Variants in PTCHD4 observed in about 807,000 individuals in gnomAD.
PTCHD4 encodes the protein patched domain containing 4, also known as patched domain-containing protein 4.
In PTCHD4, 33 loss-of-function variants were observed where a neutral mutation model predicts 58.1. The observed-to-expected ratio is 0.57, with a 90% confidence interval of 0.43 to 0.76. The LOEUF (loss-of-function observed/expected upper bound fraction) is 0.76, where lower values mean the gene tolerates loss of function less well. Among genes scored for constraint, PTCHD4 ranks in the 30% least tolerant of loss-of-function variants. The probability of loss-of-function intolerance (pLI) is 0.00; values close to 1 mark genes in which losing one functional copy is unlikely to be tolerated. For synonymous variants in PTCHD4, 478 were observed against 409.6 expected (o/e 1.17, Z -2.02); for missense variants, 1,058 against 1,027.1 (o/e 1.03, Z -0.41).
chr6:48,085,598 A>T (rs940606149), intron 1 of PTCHD4, among the ~76,000 whole-genome samples: 3 of 152,220 alleles, frequency 2.0e-5, no homozygotes, highest in Non-Finnish European at 4.4e-5. Context: ...TCTTGCCAGA[A>T]AGTTGACAGT....
At chr6:47,929,060 A>T (rs1015669887) in intron 4 of PTCHD4, among the ~76,000 whole-genome samples, 7 of 152,200 alleles carry the variant, frequency 4.6e-5, no homozygotes, top group African/African-American at 1.4e-4. Flanking sequence ...GAATGAGGCT[A>T]TTATTATAAA....
At chr6:48,058,913 C>T (rs745653364) in intron 3 of PTCHD4, among the ~76,000 whole-genome samples, 2 of 151,988 alleles carry the variant, frequency 1.3e-5, no homozygotes, top group Non-Finnish European at 2.9e-5. Context: ...ATGAGGACTA[C>T]CAAAAATAGG....
At chr6:47,899,493 A>T (rs9395326) in intron 4 of PTCHD4, 442,937 of 674,002 alleles carry the variant, frequency 0.66, 146,725 homozygotes, top group East Asian at 0.79. Context: ...AATTCATTTT[A>T]TTAGGGACAG....
At chr6:48,096,424 C>T (rs527835305) in intron 1 of PTCHD4, among the ~76,000 whole-genome samples, 7 of 152,018 alleles carry the variant, frequency 4.6e-5, no homozygotes, top group Admixed American at 2.0e-4. Flanking sequence ...CCAGCCTGGA[C>T]GAAATGGTAA....
At chr6:48,045,469 C>G (rs967407196) in intron 3 of PTCHD4, among the ~76,000 whole-genome samples, 1 of 151,762 alleles carries the variant, frequency 6.6e-6, no homozygotes, top group African/African-American at 2.4e-5. Flanking sequence ...CATAAGGTGA[C>G]AACAGATGCC....
At chr6:47,883,372 A>G (rs1386741918) in intron 4 of PTCHD4, among the ~76,000 whole-genome samples, 1 of 152,200 alleles carries the variant, frequency 6.6e-6, no homozygotes, top group Admixed American at 6.5e-5. Context: ...AAGCAAGAGC[A>G]TGAATAAAGA....
chr6:48,084,800 G>A (rs1027322471), intron 1 of PTCHD4, among the ~76,000 whole-genome samples: 4 of 149,080 alleles, frequency 2.7e-5, no homozygotes, highest in Admixed American at 2.0e-4. Flanking sequence ...CCGGAATGCA[G>A]TGGCACGATC....
intron 4 of PTCHD4, among the ~76,000 whole-genome samples, chr6:47,916,166 A>G (rs7754607): frequency 0.57 from 86,263 of 151,892 alleles, 25,770 homozygotes; most frequent in East Asian, 0.78. Flanking sequence ...GTGTGGCTCA[A>G]GATAAGAGGA....
At chr6:47,964,799 C>T (rs1344568917) in intron 4 of PTCHD4, among the ~76,000 whole-genome samples, 3 of 152,228 alleles carry the variant, frequency 2.0e-5, no homozygotes, top group Admixed American at 2.0e-4. Context: ...TGCTTGAGAG[C>T]TGTAATTACT....
chr6:48,019,563 T>C (rs542303507), intron 3 of PTCHD4, among the ~76,000 whole-genome samples: 15 of 152,026 alleles, frequency 9.9e-5, no homozygotes, highest in Admixed American at 3.3e-4. Context: ...GGTGAAACCC[T>C]TTCTCTACTA....
intron 4 of PTCHD4, among the ~76,000 whole-genome samples, chr6:47,963,317 AAAAT>A (rs1204508759): frequency 3.3e-5 from 5 of 152,134 alleles, no homozygotes; most frequent in Admixed American, 1.3e-4. Flanking sequence ...CCTGCTATTA[AAAAT>A]AAATAAATAA....
At chr6:47,991,780 C>T (rs1437838339) in intron 4 of PTCHD4, among the ~76,000 whole-genome samples, 2 of 151,944 alleles carry the variant, frequency 1.3e-5, no homozygotes, top group Non-Finnish European at 1.5e-5. Flanking sequence ...AATATGAATA[C>T]TGTAATTTGT....
intron 3 of PTCHD4, among the ~76,000 whole-genome samples, chr6:48,012,068 C>T (rs1762694112): frequency 6.6e-6 from 1 of 152,020 alleles, no homozygotes. Flanking sequence ...ATTTTTGGTT[C>T]CATATGAACT....
At chr6:47,918,989 G>C (rs1765346023) in intron 4 of PTCHD4, among the ~76,000 whole-genome samples, 1 of 152,118 alleles carries the variant, frequency 6.6e-6, no homozygotes, top group Non-Finnish European at 1.5e-5. Context: ...AGTTAGATTA[G>C]ACCGAACCCG....
At chr6:47,893,382 G>T (rs1764438116) in intron 4 of PTCHD4, among the ~76,000 whole-genome samples, 1 of 152,162 alleles carries the variant, frequency 6.6e-6, no homozygotes, top group African/African-American at 2.4e-5. Flanking sequence ...AGAAAAGGTT[G>T]TATGTGTAGC....
chr6:47,872,573 A>T lies in PTCHD4; in HGVS notation c.*5730T>A, dbSNP rs1241149103. Reference sequence around the variant, plus strand: ...ACTCTGTTCCTAAAGTTTCTTTCTGATTTTTAAGATTTTATAATTACCATG... The same window carrying T: ...ACTCTGTTCCTAAAGTTTCTTTCTGTTTTTTAAGATTTTATAATTACCATG... On this transcript the variant is annotated 3_prime_UTR_variant, in exon 5 of 5. Transcript: ENST00000339488. Among the ~76,000 whole-genome samples, 1 of 151,612 alleles carries T rather than the reference A, an allele frequency of 6.6e-6. No individual in the cohort carries two copies. The highest frequency in any genetic ancestry group is 1.5e-5 in the Non-Finnish European group (1 of 67,698).
At chr6:48,014,967 C>T (rs149942348) in intron 3 of PTCHD4, among the ~76,000 whole-genome samples, 1 of 152,114 alleles carries the variant, frequency 6.6e-6, no homozygotes, top group East Asian at 1.9e-4. Context: ...CACTTGCAGA[C>T]CCCCTTTTCC....
At chr6:48,099,211 G>T (rs1765542913) in intron 1 of PTCHD4, among the ~76,000 whole-genome samples, 1 of 152,148 alleles carries the variant, frequency 6.6e-6, no homozygotes, top group Non-Finnish European at 1.5e-5. Context: ...CCAAATAGTG[G>T]TCGCCAGCCT....
At chr6:48,102,511 C>G (rs981648589) in intron 1 of PTCHD4, among the ~76,000 whole-genome samples, 1 of 152,188 alleles carries the variant, frequency 6.6e-6, no homozygotes, top group Admixed American at 6.5e-5. Flanking sequence ...AGGAACAGCT[C>G]CAGTCTACAG....
Sources: allele counts gnomAD v4.1 joint callset (sites outside exome capture counted in the v4.1 genomes callset), GRCh38; gene constraint gnomAD v4.1.1; transcripts MANE v1.5; gene names NCBI Gene and HGNC (gene_info 2026-07-23, HGNC 2026-07-21).